The following FGGY variants were observed in gnomAD, a reference collection of about 807,000 sequenced individuals.
FGGY encodes FGGY carbohydrate kinase domain containing.
Under a neutral mutation model 71.3 loss-of-function variants are expected in FGGY, and 72 were observed. The observed-to-expected ratio is 1.01, with a 90% CI of 0.84 to 1.23. The LOEUF (loss-of-function observed/expected upper bound fraction) is 1.23. FGGY is among the 50% of genes most tolerant of loss of function. FGGY has a pLI of 0.00. For missense variants in FGGY, 668 were observed against 682.3 expected (o/e 0.98, Z 0.23); for synonymous variants, 251 against 250.3 (o/e 1.00, Z -0.02).
chr1:59,631,291 T>C (rs1558611179), intron 10 of FGGY, among the ~76,000 whole-genome samples: 1 of 152,194 alleles, frequency 6.6e-6, no homozygotes, highest in South Asian at 2.1e-4. Flanking sequence ...TGCCATCTCT[T>C]CCAAGATGAT....
At chr1:59,459,264 G>A (rs1210217641) in intron 6 of FGGY, among the ~76,000 whole-genome samples, 3 of 152,152 alleles carry the variant, frequency 2.0e-5, no homozygotes, top group Non-Finnish European at 4.4e-5. Context: ...TATTTATATG[G>A]TGCATTTCAA....
chr1:59,745,270 T>C (rs1188696378), intron 14 of FGGY, among the ~76,000 whole-genome samples: 2 of 152,150 alleles, frequency 1.3e-5, no homozygotes, highest in African/African-American at 2.4e-5. Context: ...CTTAGAAGAA[T>C]TGGAGATCCA....
intron 5 of FGGY, among the ~76,000 whole-genome samples, chr1:59,403,051 C>T (rs1557812570): frequency 1.3e-5 from 2 of 152,078 alleles, no homozygotes; most frequent in African/African-American, 4.8e-5. Context: ...TGGGGCTTGC[C>T]ATGGTCTGGA....
intron 14 of FGGY, among the ~76,000 whole-genome samples, chr1:59,707,861 C>T (rs1168790159): frequency 6.6e-6 from 1 of 152,164 alleles, no homozygotes; most frequent in East Asian, 1.9e-4. Context: ...CCCAAAGCCT[C>T]TGTTTTGAAG....
intron 14 of FGGY, among the ~76,000 whole-genome samples, chr1:59,729,959 T>G (rs2098004027): frequency 6.6e-6 from 1 of 152,094 alleles, no homozygotes; most frequent in Non-Finnish European, 1.5e-5. Flanking sequence ...AAAAAATATT[T>G]TACAGTGTTT....
At chr1:59,485,639 C>G (rs901665666) in intron 6 of FGGY, among the ~76,000 whole-genome samples, 10 of 152,136 alleles carry the variant, frequency 6.6e-5, no homozygotes, top group African/African-American at 2.2e-4. Flanking sequence ...TGTAGCTACA[C>G]TTAATCATAA....
At chr1:59,443,897 T>C (rs1025360082) in intron 5 of FGGY, among the ~76,000 whole-genome samples, 1 of 152,190 alleles carries the variant, frequency 6.6e-6, no homozygotes, top group African/African-American at 2.4e-5. Context: ...CACCAGGGCA[T>C]GGGACCGTGA....
At chr1:59,354,853 C>G (rs952645044) in intron 4 of FGGY, among the ~76,000 whole-genome samples, 1 of 152,152 alleles carries the variant, frequency 6.6e-6, no homozygotes, top group East Asian at 1.9e-4. Flanking sequence ...TTTGGCATAG[C>G]GAGTGTGGGC....
chr1:59,662,858 T>A (rs1461966982), intron 12 of FGGY, among the ~76,000 whole-genome samples: 1 of 152,232 alleles, frequency 6.6e-6, no homozygotes, highest in Admixed American at 6.5e-5. Flanking sequence ...TTTCTCACAA[T>A]GTATTCCCAT....
chr1:59,310,729 G>A (rs1489471842), intron 1 of FGGY, among the ~76,000 whole-genome samples: 10 of 152,152 alleles, frequency 6.6e-5, no homozygotes. Context: ...TCTCTCCTCA[G>A]TGTGTGTTCC....
intron 14 of FGGY, among the ~76,000 whole-genome samples, chr1:59,747,785 T>A (rs1040051983): frequency 3.0e-4 from 45 of 152,216 alleles, no homozygotes; most frequent in African/African-American, 1.1e-3. Flanking sequence ...ATTGAATTTG[T>A]CTTTGACAGT....
chr1:59,758,943 T>A (rs1001852729), intron 15 of FGGY, among the ~76,000 whole-genome samples: 3 of 152,056 alleles, frequency 2.0e-5, no homozygotes, highest in Non-Finnish European at 4.4e-5. Context: ...CAGATGCAGA[T>A]CAGAAAAATC....
intron 9 of FGGY, among the ~76,000 whole-genome samples, chr1:59,615,660 C>G (rs550514208): frequency 6.6e-6 from 1 of 152,282 alleles, no homozygotes; most frequent in Non-Finnish European, 1.5e-5. Context: ...TCTCATTAAA[C>G]TAAAGAGCTT....
In FGGY at chr1:59,568,708, C is replaced by A. The variant is rs1383855160; in HGVS notation, c.903+14481C>A. Among the ~76,000 whole-genome samples the A allele has an allele frequency of 2.0e-5, 3 of 152,180 alleles. No homozygotes were observed. In the East Asian group the frequency reaches 5.8e-4, roughly 29 times the overall value. On this transcript the variant is annotated intron_variant, in intron 8 of 15. Coordinates refer to ENST00000303721, the MANE Select transcript of FGGY (RefSeq NM_018291.5). ...CCACCACGTTTAATAGATTATGACT[C>A]CTCTGGGCCTTCACAGCTGTTTATG...
At chr1:59,339,897 T>A in intron 2 of FGGY, 61 bp from the exon 3 acceptor site, 2 of 973,834 alleles carry the variant, frequency 2.1e-6, no homozygotes, top group Non-Finnish European at 3.1e-6. Context: ...TAGTTGTAAC[T>A]GTTTTCAATC....
intron 1 of FGGY, among the ~76,000 whole-genome samples, chr1:59,302,849 A>AC (rs397796927): frequency 1.3e-4 from 19 of 151,928 alleles, no homozygotes; most frequent in South Asian, 2.1e-4. Context: ...TCCAAAAAAA[A>AC]CCCCAAAAAA....
Position 59,326,680 on chromosome 1 carries a change from C to T in FGGY, c.201+4930C>T, listed in dbSNP as rs2047486069. Among the ~76,000 whole-genome samples the T allele has an allele frequency of 1.2e-4, 19 of 152,102 alleles. 2 individuals carry two copies. In the South Asian group the frequency reaches 3.9e-3, roughly 31 times the overall value. On this transcript the variant is annotated intron_variant, in intron 2 of 15. Transcript: ENST00000303721. ...ATTATTCCAAGAACCTAACTGATGT[C>T]TTGATATTCATTTTTCTTTTCTCTA...
chr1:59,710,412 G>A (rs918712932), intron 14 of FGGY, among the ~76,000 whole-genome samples: 13 of 152,182 alleles, frequency 8.5e-5, no homozygotes, highest in African/African-American at 2.2e-4. Flanking sequence ...CTAAAACACC[G>A]AAAGCAATGG....
chr1:59,414,568 C>G (rs1396947208), intron 5 of FGGY, among the ~76,000 whole-genome samples: 3 of 152,116 alleles, frequency 2.0e-5, no homozygotes, highest in Non-Finnish European at 4.4e-5. Context: ...AGCCATGGAT[C>G]CTGCGTGAAA....
Sources: allele counts gnomAD v4.1 joint callset (sites outside exome capture counted in the v4.1 genomes callset), GRCh38; gene constraint gnomAD v4.1.1; transcripts MANE v1.5; gene names NCBI Gene and HGNC (gene_info 2026-07-23, HGNC 2026-07-21).